The following SIPA1L1 variants were observed in gnomAD, a reference collection of about 807,000 sequenced individuals.
The protein encoded by SIPA1L1 is signal-induced proliferation-associated 1-like protein 1.
A neutral mutation model predicts 162.7 loss-of-function variants in SIPA1L1; 26 were observed. That is an observed-to-expected ratio of 0.16 (90% CI 0.12 to 0.22). The LOEUF (loss-of-function observed/expected upper bound fraction) is 0.22. Among genes scored for constraint, SIPA1L1 ranks in the 10% least tolerant of loss-of-function variants. The probability of loss-of-function intolerance (pLI) is 1.00; values close to 1 mark genes in which losing one functional copy is unlikely to be tolerated. For synonymous variants in SIPA1L1, 829 were observed against 837.4 expected (o/e 0.99, Z 0.17); for missense variants, 1,874 against 2,241.0 (o/e 0.84, Z 3.31).
At chr14:71,554,658 G>C (rs1202256647) in intron 4 of SIPA1L1, among the ~76,000 whole-genome samples, 1 of 152,098 alleles carries the variant, frequency 6.6e-6, no homozygotes, top group African/African-American at 2.4e-5. Flanking sequence ...CCTGTGATTT[G>C]ATTCTTCATA....
intron 20 of SIPA1L1, among the ~76,000 whole-genome samples, chr14:71,731,648 A>G (rs1421146858): frequency 6.6e-6 from 1 of 152,220 alleles, no homozygotes; most frequent in East Asian, 1.9e-4. Context: ...TGCATGTGTC[A>G]TATCAGAGTA....
chr14:71,472,490 G>C (rs977707919), intron 2 of SIPA1L1, among the ~76,000 whole-genome samples: 1 of 151,932 alleles, frequency 6.6e-6, no homozygotes, highest in Non-Finnish European at 1.5e-5. Flanking sequence ...CTTCTTGAGA[G>C]CTTTGAGTTT....
intron 22 of SIPA1L1, among the ~76,000 whole-genome samples, chr14:71,737,433 G>C (rs1373438341): frequency 6.6e-6 from 1 of 152,116 alleles, no homozygotes; most frequent in Non-Finnish European, 1.5e-5. Flanking sequence ...TAGGAATCAG[G>C]AAAATTTGGC....
intron 7 of SIPA1L1, among the ~76,000 whole-genome samples, chr14:71,633,110 T>TTGTTATGTTATGTTA (rs58429457): frequency 0.034 from 4,722 of 137,252 alleles, 84 homozygotes; most frequent in Admixed American, 0.046. Flanking sequence ...ACAAGCATGA[T>TTGTTATGTTATGTTA]TGTTATGTTA....
chr14:71,497,764 G>A (rs1567108518), intron 2 of SIPA1L1: 1 of 152,216 alleles, frequency 6.6e-6, no homozygotes, highest in Non-Finnish European at 1.5e-5. Context: ...GGACACTTGA[G>A]TTGTTGCCAG....
At chr14:71,513,984 G>A (rs1315419971) in intron 3 of SIPA1L1, among the ~76,000 whole-genome samples, 1 of 152,106 alleles carries the variant, frequency 6.6e-6, no homozygotes, top group African/African-American at 2.4e-5. Flanking sequence ...GAATCCGTAC[G>A]GGTCTGCAGC....
rs531697625 is a variant in SIPA1L1 at position 71,569,811 on chromosome 14, G to A, written c.-302-17760G>A. On this transcript the variant is annotated intron_variant, in intron 4 of 23. Coordinates refer to ENST00000381232, the MANE Select transcript of SIPA1L1 (RefSeq NM_001386936.1). ...ATTGCCACTGTCAGTACTTGCCTGA[G>A]GTTGTCAGTGTGCAGCATTGGCACT... 1.8e-4 allele frequency among the ~76,000 whole-genome samples: 28 copies of A among 152,266 alleles called. 1 individual carries two copies. The highest frequency in any genetic ancestry group is 8.3e-4 in the South Asian group (4 of 4,830).
intron 2 of SIPA1L1, among the ~76,000 whole-genome samples, chr14:71,329,061 A>G (rs1303131430): frequency 6.6e-6 from 1 of 152,198 alleles, no homozygotes; most frequent in African/African-American, 2.4e-5. Flanking sequence ...GACTTAGCAT[A>G]AAATCCTCAA....
intron 2 of SIPA1L1, among the ~76,000 whole-genome samples, chr14:71,366,207 T>C (rs768071798): frequency 1.1e-4 from 16 of 152,198 alleles, no homozygotes; most frequent in Non-Finnish European, 2.4e-4. Flanking sequence ...TTGTGGAGTT[T>C]GACTTATCAT....
In SIPA1L1 at chr14:71,387,686, A is replaced by G. The variant is rs111613292; in HGVS notation, c.-465+66505A>G. ...TTCTAGATAACCATTTCACCTCTGC[A>G]GAAGTTGTTTTCTAGCAGGAATGTG... On this transcript the variant is annotated intron_variant, in intron 2 of 23. Transcript: ENST00000381232. 4.2e-3 allele frequency among the ~76,000 whole-genome samples: 640 copies of G among 152,348 alleles called. 7 individuals are homozygous for G. Among genetic ancestry groups the G allele is most frequent in the African/African-American group, 0.015 (609 of 41,572 alleles).
At chr14:71,578,221 A>G (rs997232516) in intron 4 of SIPA1L1, among the ~76,000 whole-genome samples, 9 of 151,348 alleles carry the variant, frequency 5.9e-5, no homozygotes, top group African/African-American at 2.2e-4. Context: ...TTTATTTTTT[A>G]TTTTTTAGTA....
In SIPA1L1 at chr14:71,704,590, A is replaced by G. The variant is rs1016031516; in HGVS notation, c.3647-632A>G. On this transcript the variant is annotated intron_variant, in intron 15 of 23. Coordinates refer to ENST00000381232, the MANE Select transcript of SIPA1L1 (RefSeq NM_001386936.1). ...GCCCAGGATTCTTGCTATTAGCTATAGTGGTGTTATGGAGGATAAATTCTT... is the reference window on the plus strand; with the variant it reads ...GCCCAGGATTCTTGCTATTAGCTATGGTGGTGTTATGGAGGATAAATTCTT... 5 of 664,522 alleles carry G rather than the reference A, an allele frequency of 7.5e-6. No individual in the cohort carries two copies. The African/African-American group carries it at 9.0e-5, about 12-fold the overall frequency. 41.2% of individuals were successfully genotyped at this position (664,522 alleles called of 1,614,324 possible).
At chr14:71,546,367 TTTTTCTTTC>T (rs1207002074) in intron 4 of SIPA1L1, among the ~76,000 whole-genome samples, 1 of 109,348 alleles carries the variant, frequency 9.1e-6, no homozygotes, top group Non-Finnish European at 1.7e-5. Flanking sequence ...TTGTTTTTTC[TTTTTCTTTC>T]TTTTTTTTTT....
chr14:71,348,094 A>G (rs978937488), intron 2 of SIPA1L1, among the ~76,000 whole-genome samples: 5 of 152,220 alleles, frequency 3.3e-5, no homozygotes, highest in Non-Finnish European at 1.5e-5. Flanking sequence ...AAATTACCAC[A>G]GTGATTTAAA....
intron 10 of SIPA1L1, among the ~76,000 whole-genome samples, chr14:71,669,213 T>A (rs2044296047): frequency 6.6e-6 from 1 of 152,204 alleles, no homozygotes; most frequent in South Asian, 2.1e-4. Flanking sequence ...TGGTAAGGAT[T>A]CAGTTCTTTT....
intron 2 of SIPA1L1, among the ~76,000 whole-genome samples, chr14:71,431,842 T>A (rs2044012822): frequency 6.6e-6 from 1 of 152,062 alleles, no homozygotes; most frequent in Non-Finnish European, 1.5e-5. Flanking sequence ...AAAGGCAGAT[T>A]AATTGGAGAA....
At chr14:71,454,370 C>A (rs1456719310) in intron 2 of SIPA1L1, among the ~76,000 whole-genome samples, 1 of 151,914 alleles carries the variant, frequency 6.6e-6, no homozygotes, top group African/African-American at 2.4e-5. Flanking sequence ...ATCCTGGGCG[C>A]CAGTAATATA....
At chr14:71,558,250 G>C (rs1356015738) in intron 4 of SIPA1L1, among the ~76,000 whole-genome samples, 1 of 152,008 alleles carries the variant, frequency 6.6e-6, no homozygotes, top group African/African-American at 2.4e-5. Context: ...TAAAATTATA[G>C]GAAAAAGAAA....
chr14:71,341,063 G>A (rs545502667), intron 2 of SIPA1L1, among the ~76,000 whole-genome samples: 1 of 152,374 alleles, frequency 6.6e-6, no homozygotes, highest in East Asian at 1.9e-4. Context: ...GTCATTGAAT[G>A]TCCTTTCTGG....
Sources: allele counts gnomAD v4.1 joint callset (sites outside exome capture counted in the v4.1 genomes callset), GRCh38; gene constraint gnomAD v4.1.1; transcripts MANE v1.5; gene names NCBI Gene and HGNC (gene_info 2026-07-23, HGNC 2026-07-21).